The following CTNND2 variants were observed in gnomAD, a reference collection of about 807,000 sequenced individuals.
CTNND2 encodes catenin delta-2.
Under a neutral mutation model 144.4 loss-of-function variants are expected in CTNND2, and 22 were observed. The ratio of observed to expected loss-of-function variants is 0.15; its 90% CI spans 0.11 to 0.22. The LOEUF (loss-of-function observed/expected upper bound fraction) is 0.22. CTNND2 is among the 10% of genes least tolerant of loss of function. The pLI, the probability that CTNND2 is intolerant of heterozygous loss-of-function variation, is 1.00. For missense variants in CTNND2, 1,353 were observed against 1,618.8 expected (o/e 0.84, Z 2.82); for synonymous variants, 751 against 695.6 (o/e 1.08, Z -1.25).
At chr5:11,078,141 C>T (rs1749142053) in intron 16 of CTNND2, among the ~76,000 whole-genome samples, 1 of 152,182 alleles carries the variant, frequency 6.6e-6, no homozygotes, top group Non-Finnish European at 1.5e-5. Flanking sequence ...TGATGTCACC[C>T]TAGCCTTCTG....
chr5:11,414,753 C>T (rs1386860439), intron 3 of CTNND2, among the ~76,000 whole-genome samples: 2 of 152,182 alleles, frequency 1.3e-5, no homozygotes, highest in Admixed American at 1.3e-4. Context: ...CCTCCTCCCA[C>T]CCTCCACTCT....
chr5:11,732,025 G>T, intron 2 of CTNND2, 111 bp downstream of exon 2: 1 of 961,230 alleles, frequency 1.0e-6, no homozygotes, highest in South Asian at 1.9e-5. Context: ...CCAACACTCT[G>T]CTACATGAGT....
At chr5:11,159,042 C>T (rs1162054801) in intron 12 of CTNND2, among the ~76,000 whole-genome samples, 1 of 152,124 alleles carries the variant, frequency 6.6e-6, no homozygotes, top group East Asian at 1.9e-4. Context: ...AAGACATTTG[C>T]TACTTTCATT....
intron 2 of CTNND2, among the ~76,000 whole-genome samples, chr5:11,688,493 C>A (rs996787730): frequency 4.6e-5 from 7 of 152,224 alleles, no homozygotes; most frequent in Non-Finnish European, 8.8e-5. Context: ...GAATTCTCAG[C>A]ACTTTCAGCA....
chr5:11,762,113 A>G (rs546351516), intron 1 of CTNND2, among the ~76,000 whole-genome samples: 5 of 152,300 alleles, frequency 3.3e-5, no homozygotes, highest in Middle Eastern at 3.4e-3. Flanking sequence ...TAACTGGATG[A>G]AATCTCAATT....
intron 1 of CTNND2, among the ~76,000 whole-genome samples, chr5:11,734,948 A>C (rs1787595208): frequency 6.6e-6 from 1 of 152,228 alleles, no homozygotes; most frequent in Non-Finnish European, 1.5e-5. Flanking sequence ...CTGAAAAAGT[A>C]AATCTGTTAC....
At chr5:11,072,489 TA>T (rs999832152) in intron 16 of CTNND2, among the ~76,000 whole-genome samples, 2 of 152,368 alleles carry the variant, frequency 1.3e-5, no homozygotes, top group African/African-American at 2.4e-5. Flanking sequence ...GTTTTAACTT[TA>T]AAAAACCAAG....
intron 14 of CTNND2, among the ~76,000 whole-genome samples, chr5:11,109,293 A>G (rs1428657927): frequency 1.3e-5 from 2 of 152,226 alleles, no homozygotes; most frequent in Non-Finnish European, 2.9e-5. Flanking sequence ...TGATACTTCT[A>G]GTATGGTTCA....
intron 21 of CTNND2, among the ~76,000 whole-genome samples, chr5:10,978,615 G>A (rs1036090005): frequency 6.6e-6 from 1 of 152,192 alleles, no homozygotes; most frequent in African/African-American, 2.4e-5. Flanking sequence ...TGGTGGTCCT[G>A]AGCTATGAAG....
At chr5:11,475,690 C>T (rs1343393024) in intron 3 of CTNND2, among the ~76,000 whole-genome samples, 3 of 152,102 alleles carry the variant, frequency 2.0e-5, no homozygotes, top group African/African-American at 7.2e-5. Context: ...GAGACTGGCA[C>T]AATGAAACCT....
chr5:11,792,645 T>A (rs1791196731), intron 1 of CTNND2, among the ~76,000 whole-genome samples: 1 of 152,264 alleles, frequency 6.6e-6, no homozygotes, highest in African/African-American at 2.4e-5. Context: ...ATATTATTCA[T>A]GCCTGACATG....
chr5:11,250,555 T>C (rs1321386440), intron 9 of CTNND2, among the ~76,000 whole-genome samples: 2 of 147,318 alleles, frequency 1.4e-5, no homozygotes. Context: ...TCTTGCTCTG[T>C]TGCCTAGGTT....
At chr5:11,061,636 T>C (rs1362359482) in intron 16 of CTNND2, among the ~76,000 whole-genome samples, 1 of 152,128 alleles carries the variant, frequency 6.6e-6, no homozygotes, top group Non-Finnish European at 1.5e-5. Flanking sequence ...CATTCAACAT[T>C]CCCTTCCCCT....
intron 1 of CTNND2, among the ~76,000 whole-genome samples, chr5:11,789,798 T>C (rs1791036991): frequency 6.6e-6 from 1 of 152,244 alleles, no homozygotes. Flanking sequence ...CAGATTTTAA[T>C]TAAAATACTT....
At position 11,903,768 on chromosome 5, in the gene CTNND2, G is replaced by C. The variant is rs774078841; in HGVS notation, c.37+49C>G. On this transcript the variant is annotated intron_variant, in intron 1 of 21. Coordinates refer to ENST00000304623, the MANE Select transcript of CTNND2 (RefSeq NM_001332.4). The surrounding 1 kb of genome is among the most constrained non-coding windows in gnomAD (Gnocchi z 5.4). ...CCAGCGGCAAGAGGAGGAGGACGGC[G>C]CCGGGAGGAGGCTGCGCCCGGCCCC... 8.2e-6 allele frequency: 12 copies of C among 1,461,812 alleles called. No homozygotes were observed. In the Admixed American group the frequency reaches 2.6e-4, roughly 32 times the overall value. The allele number at this position is 1,461,812 out of a possible 1,614,324, so 90.6% of individuals were successfully genotyped here.
intron 11 of CTNND2, among the ~76,000 whole-genome samples, chr5:11,191,000 C>A (rs1004902989): frequency 1.3e-5 from 2 of 152,172 alleles, no homozygotes; most frequent in Non-Finnish European, 2.9e-5. Context: ...GAGAACTGAG[C>A]CTTCCTGAGA....
At chr5:11,739,179 A>T (rs1787859335) in intron 1 of CTNND2, among the ~76,000 whole-genome samples, 1 of 152,214 alleles carries the variant, frequency 6.6e-6, no homozygotes, top group African/African-American at 2.4e-5. Context: ...CTGATAGCCC[A>T]AGTCTATGCC....
At chr5:11,233,712 GTGTC>G (rs1439415267) in intron 10 of CTNND2, among the ~76,000 whole-genome samples, 36 of 98,758 alleles carry the variant, frequency 3.6e-4, no homozygotes, top group African/African-American at 1.2e-3. Flanking sequence ...TAGAGTTTAC[GTGTC>G]TGTGTGTGTG....
At chr5:11,485,345 C>CTGTGTGTG (rs375624492) in intron 3 of CTNND2, among the ~76,000 whole-genome samples, 2,356 of 148,774 alleles carry the variant, frequency 0.016, 65 homozygotes, top group African/African-American at 0.055. Context: ...GAGACAGAGA[C>CTGTGTGTG]TGTGTGTGTG....
Sources: gnomAD v4.1 joint callset for allele counts (sites outside exome capture counted in the v4.1 genomes callset) on GRCh38, gnomAD v4.1.1 for gene constraint, Gnocchi (gnomAD v3.1) non-coding constraint, MANE v1.5 for transcripts, NCBI Gene and HGNC (gene_info 2026-07-23, HGNC 2026-07-21) for gene names.